Variants in NTNG1 observed in about 807,000 individuals in gnomAD.
NTNG1 encodes the protein netrin-G1.
NTNG1 carries 16 observed loss-of-function variants against 54.0 expected under a neutral mutation model. The observed-to-expected ratio is 0.30, with a 90% CI of 0.20 to 0.45. The LOEUF is 0.45. NTNG1 is among the 20% of genes least tolerant of loss of function. NTNG1 has a pLI of 1.00. For synonymous variants in NTNG1, 255 were observed against 263.1 expected, an observed-to-expected ratio of 0.97 and a Z score of 0.30; for missense variants, 530 against 678.7, an observed-to-expected ratio of 0.78 and a Z score of 2.43.
chr1:107,464,155 G>T (rs533054955), intron 7 of NTNG1, among the ~76,000 whole-genome samples: 1 of 152,190 alleles, frequency 6.6e-6, no homozygotes, highest in African/African-American at 2.4e-5. Flanking sequence ...AAACCTTGTT[G>T]CCCATCTTGT....
chr1:107,229,248 C>T (rs80332012), intron 2 of NTNG1, among the ~76,000 whole-genome samples: 4,205 of 150,898 alleles, frequency 0.028, 165 homozygotes, highest in African/African-American at 0.089. Flanking sequence ...TCAATATGTA[C>T]ATGTCCCTCA....
At chr1:107,428,747 T>C (rs935436494) in intron 5 of NTNG1, among the ~76,000 whole-genome samples, 4 of 152,060 alleles carry the variant, frequency 2.6e-5, no homozygotes, top group South Asian at 2.1e-4. Flanking sequence ...CTCTCAAACA[T>C]AGAAGGCTCT....
rs933614361 is a variant in NTNG1 at position 107,265,484 on chromosome 1, A to G, written c.247-58798A>G. On this transcript the variant is annotated intron_variant, in intron 2 of 7. Coordinates refer to ENST00000370068, the MANE Select transcript of NTNG1 (RefSeq NM_001113226.3). ...GTCAACTAACTATGATTAACAGAAT[A>G]TAAGCACTGAAAATTCTCCATTGTG... Among the ~76,000 whole-genome samples, 3 of 152,338 alleles carry G rather than the reference A, an allele frequency of 2.0e-5. No individual in the cohort carries two copies. The East Asian group carries it at 5.8e-4, about 29-fold the overall frequency.
At chr1:107,367,802 G>A (rs185460315) in intron 3 of NTNG1, among the ~76,000 whole-genome samples, 50 of 151,788 alleles carry the variant, frequency 3.3e-4, no homozygotes, top group African/African-American at 1.2e-3. Flanking sequence ...TCACTCTGTT[G>A]CCAGGCTGGA....
chr1:107,398,247 C>G (rs1399930233), intron 4 of NTNG1, among the ~76,000 whole-genome samples: 1 of 152,022 alleles, frequency 6.6e-6, no homozygotes, highest in Non-Finnish European at 1.5e-5. Context: ...ATGTAACTAA[C>G]CTGCACAATG....
intron 7 of NTNG1, among the ~76,000 whole-genome samples, chr1:107,471,879 T>C (rs944155089): frequency 2.6e-5 from 4 of 152,364 alleles, no homozygotes; most frequent in African/African-American, 9.6e-5. Context: ...CCTGAGCTTC[T>C]AGCACTGGGT....
intron 2 of NTNG1, among the ~76,000 whole-genome samples, chr1:107,266,529 T>C (rs1663747091): frequency 6.6e-6 from 1 of 151,766 alleles, no homozygotes; most frequent in Non-Finnish European, 1.5e-5. Flanking sequence ...CCCCATGATC[T>C]AACTACCTCT....
intron 3 of NTNG1, among the ~76,000 whole-genome samples, chr1:107,331,173 A>C (rs1668257981): frequency 6.6e-6 from 1 of 152,018 alleles, no homozygotes; most frequent in Non-Finnish European, 1.5e-5. Context: ...TTTTCACGGC[A>C]AACCTTAGGC....
intron 2 of NTNG1, among the ~76,000 whole-genome samples, chr1:107,222,805 T>A (rs994075259): frequency 6.7e-6 from 1 of 150,184 alleles, no homozygotes; most frequent in Non-Finnish European, 1.5e-5. Context: ...GCTGCTTTTT[T>A]TTTTTTTTTT....
chr1:107,407,575 C>T, intron 4 of NTNG1, 107 bp from the exon 5 acceptor site: 3 of 855,080 alleles, frequency 3.5e-6, no homozygotes, highest in Admixed American at 5.0e-5. Context: ...TCTTAATAGT[C>T]TGAATATTAT....
intron 3 of NTNG1, among the ~76,000 whole-genome samples, chr1:107,376,145 G>A (rs1646990624): frequency 6.6e-6 from 1 of 152,188 alleles, no homozygotes; most frequent in Admixed American, 6.5e-5. Context: ...TGTAGGCTGG[G>A]CGCGGTGGCT....
intron 2 of NTNG1, among the ~76,000 whole-genome samples, chr1:107,276,753 A>G (rs973129341): frequency 6.6e-6 from 1 of 152,154 alleles, no homozygotes; most frequent in African/African-American, 2.4e-5. Context: ...ACTAATGTGT[A>G]CAATAAGATT....
intron 2 of NTNG1, among the ~76,000 whole-genome samples, chr1:107,240,032 A>G (rs1661713660): frequency 6.6e-6 from 1 of 152,220 alleles, no homozygotes; most frequent in South Asian, 2.1e-4. Context: ...GACATCACAG[A>G]CATAGAACAT....
chr1:107,273,044 T>A (rs865904115), intron 2 of NTNG1, among the ~76,000 whole-genome samples: 26 of 152,228 alleles, frequency 1.7e-4, no homozygotes, highest in Admixed American at 7.9e-4. Flanking sequence ...AATAATATAC[T>A]ATTTCTTAGT....
At chr1:107,322,728 G>A (rs1667726830) in intron 2 of NTNG1, among the ~76,000 whole-genome samples, 4 of 152,186 alleles carry the variant, frequency 2.6e-5, no homozygotes, top group South Asian at 4.1e-4. Context: ...CAGGACTAGG[G>A]AATTGAAATT....
intron 2 of NTNG1, among the ~76,000 whole-genome samples, chr1:107,176,833 A>G (rs896625471): frequency 2.0e-5 from 3 of 152,190 alleles, no homozygotes; most frequent in Non-Finnish European, 4.4e-5. Flanking sequence ...ATAAACAAAT[A>G]TACGTAGTCT....
chr1:107,169,900 A>G (rs912970365), intron 2 of NTNG1, among the ~76,000 whole-genome samples: 3 of 152,176 alleles, frequency 2.0e-5, no homozygotes, highest in African/African-American at 7.2e-5. Context: ...AGGCTGTAAG[A>G]AAGGGGAGTC....
intron 2 of NTNG1, among the ~76,000 whole-genome samples, chr1:107,291,143 C>A (rs572816729): frequency 3.2e-4 from 49 of 151,722 alleles, no homozygotes; most frequent in Non-Finnish European, 3.8e-4. Context: ...TTGCCTCCCC[C>A]TCCTCAGCCT....
intron 7 of NTNG1, among the ~76,000 whole-genome samples, chr1:107,470,296 T>TA (rs576481642): frequency 9.2e-5 from 14 of 152,068 alleles, no homozygotes; most frequent in East Asian, 3.8e-4. Context: ...CACATATTTC[T>TA]AAAAAAAACC....
Sources: allele counts gnomAD v4.1 joint callset (sites outside exome capture counted in the v4.1 genomes callset), GRCh38; gene constraint gnomAD v4.1.1; transcripts MANE v1.5; gene names NCBI Gene and HGNC (gene_info 2026-07-23, HGNC 2026-07-21).